Variants in EFHD1 observed in about 807,000 individuals in gnomAD.
EFHD1 encodes the protein EF-hand domain-containing protein D1.
A neutral mutation model predicts 17.2 loss-of-function variants in EFHD1; 10 were observed. The observed-to-expected ratio is 0.58, with a 90% CI of 0.36 to 0.99. The LOEUF (loss-of-function observed/expected upper bound fraction) is 0.99. EFHD1 is among the 50% of genes least tolerant of loss of function. The pLI, the probability that EFHD1 is intolerant of heterozygous loss-of-function variation, is 0.01. For synonymous variants in EFHD1, 153 were observed against 142.0 expected (o/e 1.08, Z -0.55); for missense variants, 310 against 327.5 (o/e 0.95, Z 0.41).
upstream of EFHD1, among the ~76,000 whole-genome samples, chr2:232,632,198 G>A (rs1694215786): frequency 6.6e-6 from 1 of 152,162 alleles, no homozygotes; most frequent in African/African-American, 2.4e-5. Context: ...CATTGTATAT[G>A]TAAAACCCGT....
At position 232,681,720 on chromosome 2, in the gene EFHD1, T is replaced by G. The variant is rs145248478; in HGVS notation, c.*1T>G. 6 of 1,613,662 alleles carry G rather than the reference T, an allele frequency of 3.7e-6. No individual in the cohort carries two copies. In the African/African-American group the frequency reaches 6.7e-5, roughly 18 times the overall value. ...ACTCAAGGCCAACTTCAATACATAG[T>G]CCTGCTGACCTTGCCCTCTGCCCAC... On this transcript the variant is annotated 3_prime_UTR_variant, in exon 4 of 4. Coordinates refer to ENST00000264059, the MANE Select transcript of EFHD1 (RefSeq NM_025202.4).
chr2:232,646,636 G>A (rs1039049117), intron 1 of EFHD1, among the ~76,000 whole-genome samples: 9 of 151,654 alleles, frequency 5.9e-5, no homozygotes, highest in South Asian at 2.1e-4. Context: ...GTAGAGATGG[G>A]GTTTCACCAT....
intron 1 of EFHD1, among the ~76,000 whole-genome samples, chr2:232,652,985 G>C (rs1343784926): frequency 1.3e-5 from 2 of 151,854 alleles, no homozygotes; most frequent in African/African-American, 4.8e-5. Context: ...CTTTTTGTTT[G>C]GTGGGGTGGT....
intron 3 of EFHD1, among the ~76,000 whole-genome samples, chr2:232,673,187 T>A (rs898876955): frequency 6.6e-6 from 1 of 152,074 alleles, no homozygotes; most frequent in Non-Finnish European, 1.5e-5. Flanking sequence ...CATAGTCCAG[T>A]GAAGAAAGCA....
At chr2:232,666,548 C>T (rs1486498449) in intron 2 of EFHD1, among the ~76,000 whole-genome samples, 1 of 152,288 alleles carries the variant, frequency 6.6e-6, no homozygotes, top group Non-Finnish European at 1.5e-5. Flanking sequence ...TTGTACTCAG[C>T]GGCCAACTGC....
chr2:232,626,731 A>G (rs892114569), intron 1 of EFHD1, among the ~76,000 whole-genome samples: 3 of 152,136 alleles, frequency 2.0e-5, no homozygotes, highest in Admixed American at 6.5e-5. Flanking sequence ...CCTTTCAGGA[A>G]ACATGAATTT....
At chr2:232,656,737 A>G (rs1173071492) in intron 1 of EFHD1, among the ~76,000 whole-genome samples, 1 of 152,106 alleles carries the variant, frequency 6.6e-6, no homozygotes, top group Non-Finnish European at 1.5e-5. Context: ...GCTCCCAGCC[A>G]GTACCTTGCA....
intron 3 of EFHD1, among the ~76,000 whole-genome samples, chr2:232,680,001 G>A (rs1400353228): frequency 6.6e-6 from 1 of 152,058 alleles, no homozygotes; most frequent in Non-Finnish European, 1.5e-5. Context: ...GGCTGGGTGT[G>A]GTGGCTTATG....
chr2:232,607,061 G>C (rs914287886), intron 1 of EFHD1, among the ~76,000 whole-genome samples: 1 of 151,446 alleles, frequency 6.6e-6, no homozygotes, highest in Non-Finnish European at 1.5e-5. Flanking sequence ...GCGCGATCAC[G>C]GCTCACTACA....
At chr2:232,616,544 C>T (rs1388419326) in intron 1 of EFHD1, among the ~76,000 whole-genome samples, 2 of 152,128 alleles carry the variant, frequency 1.3e-5, no homozygotes, top group Non-Finnish European at 2.9e-5. Flanking sequence ...GGTGATCTAC[C>T]CACCTCGGCC....
At position 232,651,977 on chromosome 2, in the gene EFHD1, C is replaced by T. The variant is rs553537602; in HGVS notation, c.303-10825C>T. Among the ~76,000 whole-genome samples the T allele has an allele frequency of 1.6e-4, 24 of 152,246 alleles. No individual in the cohort carries two copies. The East Asian group carries it at 2.7e-3, about 17-fold the overall frequency. ...TATCACCCAGCCTGGGGCAGAGCTGCGGGTTAGGGGGTCAGGCTGGGGGTC... is the reference window on the plus strand; with the variant it reads ...TATCACCCAGCCTGGGGCAGAGCTGTGGGTTAGGGGGTCAGGCTGGGGGTC... On this transcript the variant is annotated intron_variant, in intron 1 of 3. Coordinates refer to ENST00000264059, the MANE Select transcript of EFHD1 (RefSeq NM_025202.4).
At chr2:232,664,723 C>A (rs13384158) in intron 2 of EFHD1, among the ~76,000 whole-genome samples, 54,246 of 147,100 alleles carry the variant, frequency 0.37, 10,061 homozygotes, top group East Asian at 0.53. Flanking sequence ...ACGCCATTCT[C>A]CTGCCTCAGC....
chr2:232,620,771 C>T (rs1694005797), intron 1 of EFHD1, among the ~76,000 whole-genome samples: 1 of 152,042 alleles, frequency 6.6e-6, no homozygotes, highest in Non-Finnish European at 1.5e-5. Flanking sequence ...CTGCAGATTC[C>T]GAAAAAGCCA....
chr2:232,626,642 C>A (rs912683299), intron 1 of EFHD1, among the ~76,000 whole-genome samples: 3 of 152,078 alleles, frequency 2.0e-5, no homozygotes, highest in African/African-American at 7.2e-5. Flanking sequence ...GAACATAAAG[C>A]CCTTCTGCTG....
intron 3 of EFHD1, 114 bp downstream of exon 3, chr2:232,672,557 A>C: frequency 6.9e-7 from 1 of 1,449,350 alleles, no homozygotes; most frequent in Non-Finnish European, 9.3e-7. Flanking sequence ...ACAGACCAGG[A>C]GGGTCCTCCC....
intron 1 of EFHD1, among the ~76,000 whole-genome samples, chr2:232,624,601 G>T (rs578196408): frequency 6.6e-6 from 1 of 152,272 alleles, no homozygotes; most frequent in South Asian, 2.1e-4. Context: ...TTTAGCTAGT[G>T]CCTGGGGGCT....
intron 1 of EFHD1, 91 bp downstream of exon 1, chr2:232,634,097 G>A: frequency 6.5e-7 from 1 of 1,534,952 alleles, no homozygotes; most frequent in Non-Finnish European, 8.7e-7. Context: ...GTTTGTGTGG[G>A]GAGGGGTCCC....
chr2:232,666,130 A>G (rs928378342), intron 2 of EFHD1, among the ~76,000 whole-genome samples: 3 of 152,214 alleles, frequency 2.0e-5, no homozygotes, highest in Non-Finnish European at 4.4e-5. Flanking sequence ...TTGCTTCTAT[A>G]AATCAGCTCC....
chr2:232,651,091 G>C (rs1694645122), intron 1 of EFHD1, among the ~76,000 whole-genome samples: 1 of 152,150 alleles, frequency 6.6e-6, no homozygotes, highest in Non-Finnish European at 1.5e-5. Context: ...AAGCATGTGG[G>C]GAGAAAGCAG....
Sources: allele counts gnomAD v4.1 joint callset (sites outside exome capture counted in the v4.1 genomes callset), GRCh38; gene constraint gnomAD v4.1.1; transcripts MANE v1.5; gene names NCBI Gene and HGNC (gene_info 2026-07-23, HGNC 2026-07-21).